SYT10: variants seen among roughly 807,000 people sequenced by gnomAD.
SYT10 encodes synaptotagmin 10.
In SYT10, 31 loss-of-function variants were observed where a neutral mutation model predicts 51.1. The ratio of observed to expected loss-of-function variants is 0.61; its 90% CI spans 0.46 to 0.82. The LOEUF is 0.82. Among genes scored for constraint, SYT10 ranks in the 40% least tolerant of loss-of-function variants. The pLI is 0.00. For missense variants in SYT10, 603 were observed against 634.0 expected (o/e 0.95, Z 0.53); for synonymous variants, 233 against 225.9 (o/e 1.03, Z -0.28).
chr12:33,409,130 T>C (rs748005603), intron 2 of SYT10, among the ~76,000 whole-genome samples: 1 of 152,154 alleles, frequency 6.6e-6, no homozygotes, highest in African/African-American at 2.4e-5. Context: ...CTGTTGTCTA[T>C]TGCAGCAGGT....
chr12:33,430,055 C>T (rs928613876), intron 1 of SYT10, among the ~76,000 whole-genome samples: 50 of 152,174 alleles, frequency 3.3e-4, no homozygotes, highest in Non-Finnish European at 1.5e-5. Context: ...TTCATCCTAT[C>T]ATATCTGGAA....
At chr12:33,399,714 AT>A (rs1866286099) in intron 3 of SYT10, among the ~76,000 whole-genome samples, 1 of 152,222 alleles carries the variant, frequency 6.6e-6, no homozygotes, top group Admixed American at 6.5e-5. Context: ...CTGAACTCTC[AT>A]GGTCTTATGA....
At chr12:33,386,953 ATGG>A (rs1866161760) in intron 3 of SYT10, among the ~76,000 whole-genome samples, 1 of 152,214 alleles carries the variant, frequency 6.6e-6, no homozygotes, top group African/African-American at 2.4e-5. Flanking sequence ...GACTGCATAG[ATGG>A]TGGACAAATG....
At chr12:33,432,241 GC>G (rs1438604147) in intron 1 of SYT10, 5 of 151,966 alleles carry the variant, frequency 3.3e-5, no homozygotes, top group African/African-American at 1.2e-4. Flanking sequence ...CTTTCTTGGT[GC>G]CACATAAAAT....
chr12:33,407,443 C>A (rs1479348606), intron 2 of SYT10, 87 bp from the exon 3 acceptor site: 2 of 1,374,978 alleles, frequency 1.5e-6, no homozygotes, highest in South Asian at 2.8e-5. Context: ...TCTTCCCCAC[C>A]CCCAGAATAG....
At chr12:33,434,822 A>G (rs890489421) in intron 1 of SYT10, among the ~76,000 whole-genome samples, 1 of 152,164 alleles carries the variant, frequency 6.6e-6, no homozygotes, top group African/African-American at 2.4e-5. Context: ...ATAAAATAAA[A>G]ATAGTAAATA....
intron 3 of SYT10, among the ~76,000 whole-genome samples, chr12:33,386,491 T>C (rs1285659168): frequency 1.3e-5 from 2 of 151,832 alleles, no homozygotes; most frequent in South Asian, 2.1e-4. Context: ...CTCTGTGTGT[T>C]TTTTTTTCCC....
In SYT10 at chr12:33,376,537, A is replaced by T; in HGVS notation, c.*293T>A. ...TTTAGGTAAGTATGAACTGTTTAAA[A>T]AAACATTTCATATGCAAAGAATTAC... On this transcript the variant is annotated 3_prime_UTR_variant, in exon 7 of 7. Transcript: ENST00000228567. 2.6e-6 allele frequency: 1 copy of T among 386,876 alleles called. No homozygotes were observed. The highest frequency in any genetic ancestry group is 4.7e-6 in the Non-Finnish European group (1 of 210,780). The allele number at this position is 386,876 out of a possible 1,614,324, so 24.0% of individuals were successfully genotyped here. A position where few individuals can be genotyped will look rare whatever the true frequency, so the allele number is the denominator to read the frequency against.
At chr12:33,388,734 C>T (rs967611861) in intron 3 of SYT10, among the ~76,000 whole-genome samples, 3 of 152,116 alleles carry the variant, frequency 2.0e-5, no homozygotes, top group East Asian at 3.9e-4. Flanking sequence ...CATGCTGGCT[C>T]CACCAGAATG....
At chr12:33,415,065 A>G (rs938620020) in intron 2 of SYT10, among the ~76,000 whole-genome samples, 1 of 152,184 alleles carries the variant, frequency 6.6e-6, no homozygotes, top group Non-Finnish European at 1.5e-5. Flanking sequence ...AAAGTGTTTA[A>G]AGACTTTTAC....
At chr12:33,438,155 T>C (rs1180251237) in intron 1 of SYT10, among the ~76,000 whole-genome samples, 1 of 152,118 alleles carries the variant, frequency 6.6e-6, no homozygotes, top group African/African-American at 2.4e-5. Flanking sequence ...GAGGATTCAC[T>C]AAGTGTGCCC....
chr12:33,395,082 C>T (rs149900538), intron 3 of SYT10, among the ~76,000 whole-genome samples: 3,755 of 152,206 alleles, frequency 0.025, 159 homozygotes, highest in African/African-American at 0.084. Flanking sequence ...AGCGAGACTC[C>T]GTCTCAAAAC....
chr12:33,428,330 A>G (rs192919012), intron 1 of SYT10, among the ~76,000 whole-genome samples: 80 of 152,348 alleles, frequency 5.3e-4, no homozygotes, highest in Admixed American at 1.4e-3. Context: ...ATGTTCCTCA[A>G]CAGAATCCTG....
chr12:33,399,239 A>G (rs914113393), intron 3 of SYT10, among the ~76,000 whole-genome samples: 5 of 152,214 alleles, frequency 3.3e-5, no homozygotes, highest in African/African-American at 9.6e-5. Flanking sequence ...CACCCTTCCA[A>G]TGAGTCTATC....
At chr12:33,439,040 C>T (rs1253136710) in intron 1 of SYT10, among the ~76,000 whole-genome samples, 3 of 152,242 alleles carry the variant, frequency 2.0e-5, no homozygotes, top group Non-Finnish European at 4.4e-5. Context: ...GCCGTCACCG[C>T]CCGCACTCAC....
intron 1 of SYT10, chr12:33,432,287 T>C (rs1387431962): frequency 6.6e-6 from 1 of 152,110 alleles, no homozygotes; most frequent in Admixed American, 6.5e-5. Context: ...CATCTTCGAT[T>C]TGATAAAACG....
chr12:33,386,820 C>G (rs1309451420), intron 3 of SYT10, among the ~76,000 whole-genome samples: 1 of 152,152 alleles, frequency 6.6e-6, no homozygotes, highest in East Asian at 1.9e-4. Context: ...CATACCAGTT[C>G]ATATTTTTTG....
chr12:33,426,397 A>G lies in SYT10; in HGVS notation c.250T>C (p.Trp84Arg), dbSNP rs1866552959. The change falls in exon 2 of 7, where the codon TGG (tryptophan) becomes CGG (arginine). Residue 84 changes from tryptophan (W) to arginine (R), a missense_variant. Transcript: ENST00000228567. Reference sequence around the variant, plus strand: ...TTGGAAGTCACAGGTTTGCTTTTCCAGCATGGCCAACACAGCTTCCAGAAG... The same window carrying G: ...TTGGAAGTCACAGGTTTGCTTTTCCGGCATGGCCAACACAGCTTCCAGAAG... ...FVFWKLCWPC[W>R]KSKPVTSNIT... is the part of the protein sequence containing the mutation. 1 of 1,614,030 alleles carries G rather than the reference A, an allele frequency of 6.2e-7. No homozygotes were observed. Among genetic ancestry groups the G allele is most frequent in the South Asian group, 1.1e-5 (1 of 91,092 alleles).
chr12:33,428,722 C>T (rs1242703734), intron 1 of SYT10, among the ~76,000 whole-genome samples: 3 of 151,854 alleles, frequency 2.0e-5, no homozygotes, highest in Non-Finnish European at 4.4e-5. Flanking sequence ...CTGGCTAAAG[C>T]GATGAAACTC....
Sources: gnomAD v4.1 joint callset for allele counts (sites outside exome capture counted in the v4.1 genomes callset) on GRCh38, gnomAD v4.1.1 for gene constraint, MANE v1.5 for transcripts, NCBI Gene and HGNC (gene_info 2026-07-23, HGNC 2026-07-21) for gene names.